M1AP: variants seen among roughly 807,000 people sequenced by gnomAD.
M1AP encodes the protein meiosis 1 arrest protein.
In M1AP, 39 loss-of-function variants were observed where a neutral mutation model predicts 51.2. The ratio of observed to expected loss-of-function variants is 0.76; its 90% CI spans 0.59 to 1.00. The LOEUF is 1.00. Ranked by LOEUF, M1AP falls within the 50% of genes least tolerant of loss-of-function variation. M1AP has a pLI of 0.00. For missense variants in M1AP, 545 were observed against 641.2 expected, an observed-to-expected ratio of 0.85 and a Z score of 1.62; for synonymous variants, 251 against 249.2, an observed-to-expected ratio of 1.01 and a Z score of -0.07.
intron 2 of M1AP, among the ~76,000 whole-genome samples, chr2:74,620,246 C>T (rs1681923300): frequency 6.6e-6 from 1 of 152,176 alleles, no homozygotes; most frequent in Non-Finnish European, 1.5e-5. Flanking sequence ...AAAGGAGAAA[C>T]AGTGTCAATG....
Position 74,589,406 on chromosome 2 carries a change from T to C in M1AP, c.596-7559A>G, listed in dbSNP as rs190432091. Among the ~76,000 whole-genome samples, 13 of 152,364 alleles carry C rather than the reference T, an allele frequency of 8.5e-5. No individual in the cohort carries two copies. In the East Asian group the frequency reaches 2.5e-3, roughly 29 times the overall value. ...TTTGAAGAAGGGTGGGTTCCATTAT[T>C]GCAATTTGGTATTGCTCAGGAACTG... On this transcript the variant is annotated intron_variant, in intron 4 of 10. Coordinates refer to ENST00000421985, the MANE Select transcript of M1AP (RefSeq NM_001321739.2).
intron 1 of M1AP, among the ~76,000 whole-genome samples, chr2:74,642,256 A>T (rs1402376754): frequency 6.6e-6 from 1 of 150,424 alleles, no homozygotes; most frequent in Non-Finnish European, 1.5e-5. Flanking sequence ...AATATAGAGA[A>T]ATTGAAACTA....
chr2:74,585,523 A>G (rs1679657107), intron 4 of M1AP, among the ~76,000 whole-genome samples: 1 of 152,224 alleles, frequency 6.6e-6, no homozygotes, highest in South Asian at 2.1e-4. Context: ...CCAGCCAGGC[A>G]GCAGTCTTCC....
intron 2 of M1AP, among the ~76,000 whole-genome samples, chr2:74,639,663 T>A (rs1683179242): frequency 6.6e-6 from 1 of 152,240 alleles, no homozygotes; most frequent in African/African-American, 2.4e-5. Flanking sequence ...AAAAGATGAT[T>A]GAATAGTCAG....
At chr2:74,617,742 T>G (rs1681754301) in intron 2 of M1AP, among the ~76,000 whole-genome samples, 1 of 152,254 alleles carries the variant, frequency 6.6e-6, no homozygotes, top group Admixed American at 6.5e-5. Context: ...TATTCCATTT[T>G]GTGCCCTTCT....
At chr2:74,640,441 T>A in intron 1 of M1AP, 114 bp from the exon 2 acceptor site, 3 of 854,440 alleles carry the variant, frequency 3.5e-6, no homozygotes, top group Non-Finnish European at 5.2e-6. Context: ...GATTGGGTAC[T>A]AAAGCTTGTC....
intron 3 of M1AP, 23 bp from the exon 4 acceptor site, chr2:74,607,246 A>G (rs1257372760): frequency 5.0e-6 from 8 of 1,610,818 alleles, no homozygotes; most frequent in South Asian, 2.2e-5. Context: ...CCAAGAATCA[A>G]TGTGTCTATT....
chr2:74,561,338 T>C (rs1677998118), intron 8 of M1AP, among the ~76,000 whole-genome samples: 1 of 152,088 alleles, frequency 6.6e-6, no homozygotes, highest in African/African-American at 2.4e-5. Flanking sequence ...ACATCTCATC[T>C]TGAAGCCCTT....
At chr2:74,642,693 C>T (rs922424096) in intron 1 of M1AP, among the ~76,000 whole-genome samples, 5 of 152,140 alleles carry the variant, frequency 3.3e-5, no homozygotes, top group African/African-American at 4.8e-5. Context: ...TATAGAAAAT[C>T]TAAAATAATC....
intron 1 of M1AP, among the ~76,000 whole-genome samples, chr2:74,644,997 T>C (rs980921072): frequency 1.3e-5 from 2 of 152,166 alleles, no homozygotes; most frequent in African/African-American, 4.8e-5. Flanking sequence ...CCTTCCACAC[T>C]GTGGAAGCTT....
At position 74,558,629 on chromosome 2, in the gene M1AP, G is replaced by A; in HGVS notation, c.*87C>T. ...TCACTCACAGAGGCTCAGGCGGATA[G>A]AGAGCAAGTCTGACCACAGATAGCC... On this transcript the variant is annotated 3_prime_UTR_variant, in exon 11 of 11. Transcript: ENST00000421985. 1 of 1,500,828 alleles carries A rather than the reference G, an allele frequency of 6.7e-7. No individual in the cohort carries two copies. Among genetic ancestry groups the A allele is most frequent in the Non-Finnish European group, 9.1e-7 (1 of 1,099,242 alleles). 93.0% of individuals were successfully genotyped at this position (1,500,828 alleles called of 1,614,324 possible). A position where few individuals can be genotyped will look rare whatever the true frequency, so the allele number is the denominator to read the frequency against.
chr2:74,619,909 C>T (rs1430495515), intron 2 of M1AP, among the ~76,000 whole-genome samples: 1 of 152,186 alleles, frequency 6.6e-6, no homozygotes, highest in African/African-American at 2.4e-5. Context: ...GACACCCAGG[C>T]AACAAGCTCT....
chr2:74,612,176 C>A (rs1173734743), intron 3 of M1AP, among the ~76,000 whole-genome samples: 5 of 151,738 alleles, frequency 3.3e-5, no homozygotes, highest in African/African-American at 4.8e-5. Context: ...CAGGTGTGAG[C>A]CACTGCGCCC....
At chr2:74,637,343 G>A (rs1166615868) in intron 2 of M1AP, among the ~76,000 whole-genome samples, 1 of 152,088 alleles carries the variant, frequency 6.6e-6, no homozygotes, top group African/African-American at 2.4e-5. Context: ...TTGAACACAT[G>A]GAACCCGATT....
intron 7 of M1AP, among the ~76,000 whole-genome samples, chr2:74,568,059 C>T (rs568431477): frequency 3.9e-5 from 6 of 152,192 alleles, no homozygotes; most frequent in African/African-American, 1.4e-4. Flanking sequence ...AGGACTGGTG[C>T]GTTGGCACTA....
rs775194157 is a variant in M1AP, at chr2:74,575,580, C to G, written c.933-1G>C. 6.2e-7 allele frequency: 1 copy of G among 1,612,670 alleles called. No individual in the cohort carries two copies. Among genetic ancestry groups the G allele is most frequent in the African/African-American group, 1.3e-5 (1 of 74,864 alleles). On this transcript the variant is annotated splice_acceptor_variant, in intron 6 of 10. Coordinates refer to ENST00000421985, the MANE Select transcript of M1AP (RefSeq NM_001321739.2). LOFTEE classifies it high-confidence loss of function. The stretch of plus-strand genomic sequence containing the variant: ...GCAGAGCCCGCTAGATTTTAAAGCC[C>G]TAGGAAGAGATAATTACAGTCAAAG...
intron 5 of M1AP, among the ~76,000 whole-genome samples, chr2:74,579,080 A>T (rs549510783): frequency 6.6e-6 from 1 of 152,316 alleles, no homozygotes; most frequent in South Asian, 2.1e-4. Context: ...TGCAGTCTGG[A>T]TATAAGTTCC....
intron 3 of M1AP, among the ~76,000 whole-genome samples, chr2:74,611,893 T>TTG (rs1681381591): frequency 1.3e-5 from 1 of 78,094 alleles, no homozygotes; most frequent in Non-Finnish European, 2.6e-5. Flanking sequence ...TTTTTTTTTT[T>TTG]TTTTTTTTTT....
chr2:74,634,046 C>A (rs961145917), intron 2 of M1AP, among the ~76,000 whole-genome samples: 4 of 151,982 alleles, frequency 2.6e-5, no homozygotes, highest in Non-Finnish European at 2.9e-5. Flanking sequence ...TAAAAGATAA[C>A]AATAGATTTT....
Sources: gnomAD v4.1 joint callset for allele counts (sites outside exome capture counted in the v4.1 genomes callset) on GRCh38, gnomAD v4.1.1 for gene constraint, MANE v1.5 for transcripts, NCBI Gene and HGNC (gene_info 2026-07-23, HGNC 2026-07-21) for gene names.